Variants in OAS2 observed in about 807,000 individuals in gnomAD.
OAS2 encodes 2'-5'-oligoadenylate synthetase 2.
Under a neutral mutation model 71.3 loss-of-function variants are expected in OAS2, and 67 were observed. The observed-to-expected ratio is 0.94, with a 90% confidence interval of 0.77 to 1.15. The LOEUF is 1.15. Ranked by LOEUF, OAS2 falls within the 50% of genes most tolerant of loss-of-function variation. OAS2 has a pLI of 0.00. For synonymous variants in OAS2, 327 were observed against 321.8 expected (o/e 1.02, Z -0.17); for missense variants, 789 against 822.5 (o/e 0.96, Z 0.50).
chr12:112,993,258 C>G lies in OAS2; in HGVS notation c.449-2038C>G, dbSNP rs147504104. Among the ~76,000 whole-genome samples the G allele has an allele frequency of 7.3e-3, 1,118 of 152,280 alleles. 14 individuals are homozygous for G. The highest frequency in any genetic ancestry group is 9.2e-3 in the Non-Finnish European group (626 of 68,036). ...CACCACTGTGTGCCACTACAACTCT[C>G]CCCCTAGGGCCTTTGACCCAAAGCA... On this transcript the variant is annotated intron_variant, in intron 2 of 9. Coordinates refer to ENST00000392583, the MANE Select transcript of OAS2 (RefSeq NM_002535.3).
intron 1 of OAS2, among the ~76,000 whole-genome samples, chr12:112,983,348 C>T (rs1432848781): frequency 3.3e-5 from 5 of 152,080 alleles, no homozygotes; most frequent in African/African-American, 9.7e-5. Flanking sequence ...GCCTCAGCCT[C>T]CTGAGTAGTT....
At chr12:113,002,830 A>C in intron 5 of OAS2, 102 bp from the exon 6 acceptor site, 1 of 953,454 alleles carries the variant, frequency 1.0e-6, no homozygotes, top group Non-Finnish European at 1.6e-6. Flanking sequence ...GCAGGAGGGC[A>C]GTTGGGAGAG....
At chr12:112,979,449 C>A (rs575065249) in intron 1 of OAS2, among the ~76,000 whole-genome samples, 1 of 152,156 alleles carries the variant, frequency 6.6e-6, no homozygotes, top group Non-Finnish European at 1.5e-5. Flanking sequence ...TGCACACATC[C>A]GCTAGTGCCT....
rs368181112 is a variant in OAS2, at chr12:112,987,097, C to A, written c.237C>A (p.Leu79=). ...GCAACTCCGATGGTACCCTTGTCCT[C>A]TTCTTCAGTGACTTAAAACAATTCC... ...LRGNSDGTLV[L]FFSDLKQFQD... is the part of the protein sequence containing the mutation. Residue 79 remains leucine, a synonymous_variant, in exon 2 of 10, where the codon CTC becomes CTA. Coordinates refer to ENST00000392583, the MANE Select transcript of OAS2 (RefSeq NM_002535.3). The A allele has an allele frequency of 1.2e-6, 2 of 1,614,180 alleles. No homozygotes were observed. The highest frequency in any genetic ancestry group is 1.3e-5 in the African/African-American group (1 of 75,042).
At position 113,005,075 on chromosome 12, in the gene OAS2, G is replaced by A. The variant is rs1489126193; in HGVS notation, c.1321G>A (p.Ala441Thr). Residue 441 changes from alanine (A) to threonine (T), a missense_variant, in exon 7 of 10, where the codon GCC becomes ACC. Transcript: ENST00000392583. ...CAAGGAAATCCATGAACAGCTGAAA[G>A]CCTTTTGGAGGGAGAAGGAGGAGGA... ...IVKEIHEQLK[A>T]FWREKEEELE... 6.2e-7 allele frequency: 1 copy of A among 1,614,058 alleles called. No individual in the cohort carries two copies. The highest frequency in any genetic ancestry group is 1.3e-5 in the African/African-American group (1 of 74,922).
At chr12:113,001,887 A>AAAAAAAAAAAAAAAAAAAAAAT (rs56814612) in intron 5 of OAS2, among the ~76,000 whole-genome samples, 2 of 110,716 alleles carry the variant, frequency 1.8e-5, no homozygotes, top group Non-Finnish European at 3.4e-5. Flanking sequence ...AAAAAAAAAA[A>AAAAAAAAAAAAAAAAAAAAAAT]AGCTAGGCGT....
chr12:113,006,664 G>T, intron 8 of OAS2, 64 bp downstream of exon 8: 2 of 1,369,606 alleles, frequency 1.5e-6, no homozygotes, highest in Non-Finnish European at 2.0e-6. Flanking sequence ...TGAACATTAA[G>T]CCCTGTTGCC....
intron 5 of OAS2, among the ~76,000 whole-genome samples, chr12:113,002,667 G>C (rs942060282): frequency 2.0e-5 from 3 of 152,178 alleles, no homozygotes; most frequent in African/African-American, 7.2e-5. Context: ...GATCTGTCTG[G>C]ACAAGGATCC....
intron 2 of OAS2, among the ~76,000 whole-genome samples, chr12:112,993,400 T>C (rs2044208455): frequency 6.6e-6 from 1 of 152,200 alleles, no homozygotes; most frequent in Admixed American, 6.5e-5. Flanking sequence ...TCACTGTACA[T>C]AAAAGGCTTA....
chr12:112,988,414 C>A, intron 2 of OAS2: 2 of 307,502 alleles, frequency 6.5e-6, no homozygotes, highest in Non-Finnish European at 9.5e-6. Flanking sequence ...GGTACAGAAA[C>A]AGCCAGACTG....
At chr12:112,985,240 T>A (rs1000713194) in intron 1 of OAS2, among the ~76,000 whole-genome samples, 6 of 152,212 alleles carry the variant, frequency 3.9e-5, no homozygotes, top group African/African-American at 1.4e-4. Context: ...TTAAATAGAT[T>A]TTCTATGCCT....
chr12:112,983,130 T>C (rs2044099191), intron 1 of OAS2, among the ~76,000 whole-genome samples: 1 of 152,194 alleles, frequency 6.6e-6, no homozygotes, highest in African/African-American at 2.4e-5. Flanking sequence ...AAACCAACTT[T>C]TTATTTTGTT....
intron 5 of OAS2, 83 bp from the exon 6 acceptor site, chr12:113,002,849 G>A: frequency 7.8e-7 from 1 of 1,277,924 alleles, no homozygotes; most frequent in Non-Finnish European, 1.1e-6. Context: ...AGGCAGGGTA[G>A]GGGGCCCAGT....
At chr12:113,007,499 C>T (rs916339437) in intron 8 of OAS2, among the ~76,000 whole-genome samples, 1 of 152,184 alleles carries the variant, frequency 6.6e-6, no homozygotes, top group African/African-American at 2.4e-5. Context: ...CCTAGGAAGG[C>T]ATATATGGTC....
chr12:112,999,750 C>G (rs912741913), intron 5 of OAS2, among the ~76,000 whole-genome samples: 1 of 152,168 alleles, frequency 6.6e-6, no homozygotes, highest in Non-Finnish European at 1.5e-5. Context: ...TCCCCCCGAC[C>G]TGACATCTTA....
At chr12:112,991,122 C>T (rs1306234220) in intron 2 of OAS2, among the ~76,000 whole-genome samples, 1 of 152,234 alleles carries the variant, frequency 6.6e-6, no homozygotes, top group Admixed American at 6.5e-5. Flanking sequence ...CTGAGCTCCT[C>T]AAACCCACAT....
At chr12:112,983,723 A>G (rs1354869258) in intron 1 of OAS2, among the ~76,000 whole-genome samples, 1 of 152,192 alleles carries the variant, frequency 6.6e-6, no homozygotes, top group African/African-American at 2.4e-5. Flanking sequence ...GTGGTTGTCC[A>G]GGAGCGTGTT....
rs1313573511 is a variant in OAS2 at position 113,007,773 on chromosome 12, T to C, written c.1725T>C (p.Tyr575=). 1.9e-6 allele frequency: 3 copies of C among 1,614,198 alleles called. No individual in the cohort carries two copies. The highest frequency in any genetic ancestry group is 1.1e-5 in the South Asian group (1 of 91,082). ...PKYALELLTI[Y]AWEQGSGVPD... is the part of the protein sequence containing the mutation. ...ATGCCTTGGAGCTGCTCACCATCTA[T>C]GCCTGGGAGCAGGGGAGTGGAGTGC... The change falls in exon 9 of 10, where the codon TAT becomes TAC. Residue 575 remains tyrosine, a synonymous_variant. Coordinates refer to ENST00000392583, the MANE Select transcript of OAS2 (RefSeq NM_002535.3).
intron 2 of OAS2, among the ~76,000 whole-genome samples, chr12:112,989,059 G>A (rs2044167137): frequency 6.6e-6 from 1 of 152,160 alleles, no homozygotes; most frequent in Non-Finnish European, 1.5e-5. Flanking sequence ...GTTTGGCTGT[G>A]TCCCCACCAA....
Sources: allele counts gnomAD v4.1 joint callset (sites outside exome capture counted in the v4.1 genomes callset), GRCh38; gene constraint gnomAD v4.1.1; transcripts MANE v1.5; gene names NCBI Gene and HGNC (gene_info 2026-07-23, HGNC 2026-07-21).